Variants in ITSN2 observed in about 807,000 individuals in gnomAD.
ITSN2 encodes intersectin-2.
Under a neutral mutation model 243.7 loss-of-function variants are expected in ITSN2, and 156 were observed. The observed-to-expected ratio is 0.64, with a 90% CI of 0.56 to 0.73. The LOEUF (loss-of-function observed/expected upper bound fraction) is 0.73. Among genes scored for constraint, ITSN2 ranks in the 30% least tolerant of loss-of-function variants. ITSN2 has a pLI of 0.00. For missense variants in ITSN2, 1,801 were observed against 1,996.1 expected (o/e 0.90, Z 1.86); for synonymous variants, 703 against 699.9 (o/e 1.00, Z -0.07).
chr2:24,284,888 ATTTTTTTT>A (rs138100580), intron 16 of ITSN2, 45 bp from the exon 17 acceptor site: 330 of 370,342 alleles, frequency 8.9e-4, no homozygotes, highest in Non-Finnish European at 1.0e-3. Context: ...TACGTACAGA[ATTTTTTTT>A]TTTTTTTTTT....
At chr2:24,286,727 C>G (rs895301121) in intron 15 of ITSN2, among the ~76,000 whole-genome samples, 1 of 152,138 alleles carries the variant, frequency 6.6e-6, no homozygotes, top group African/African-American at 2.4e-5. Flanking sequence ...ACAGTTAATA[C>G]TCAATTAATA....
intron 23 of ITSN2, 113 bp downstream of exon 23, chr2:24,257,775 T>C (rs1052714383): frequency 5.7e-6 from 5 of 881,026 alleles, no homozygotes; most frequent in Admixed American, 4.3e-5. Flanking sequence ...CTTTCTGATA[T>C]TCAAACTCAA....
intron 15 of ITSN2, among the ~76,000 whole-genome samples, chr2:24,287,018 G>A (rs1413352282): frequency 6.6e-6 from 1 of 151,994 alleles, no homozygotes; most frequent in African/African-American, 2.4e-5. Context: ...TATTTTTGAA[G>A]TACAGAAGTA....
chr2:24,316,286 T>G (rs572566486), intron 2 of ITSN2, among the ~76,000 whole-genome samples: 1 of 152,264 alleles, frequency 6.6e-6, no homozygotes, highest in African/African-American at 2.4e-5. Context: ...ATTATTTATT[T>G]ATTTATTTAT....
chr2:24,337,285 G>C (rs1686492266), intron 1 of ITSN2, among the ~76,000 whole-genome samples: 1 of 114,352 alleles, frequency 8.7e-6, no homozygotes, highest in South Asian at 2.7e-4. Context: ...ATGTATGTAT[G>C]TGTGTGTGTG....
At chr2:24,216,438 GA>G (rs1191291622) in intron 31 of ITSN2, 76 of 420,560 alleles carry the variant, frequency 1.8e-4, no homozygotes, top group South Asian at 5.3e-4. Flanking sequence ...TGTCAGCAAA[GA>G]AAAAAAAAGT....
intron 39 of ITSN2, 64 bp from the exon 40 acceptor site, chr2:24,203,847 TCC>T (rs1265664580): frequency 3.3e-6 from 5 of 1,503,902 alleles, no homozygotes; most frequent in Non-Finnish European, 3.6e-6. Context: ...AAGAGCTACA[TCC>T]GGAAGAAGTG....
chr2:24,311,114 C>T (rs1027969106), intron 5 of ITSN2, among the ~76,000 whole-genome samples: 1 of 152,054 alleles, frequency 6.6e-6, no homozygotes, highest in Admixed American at 6.6e-5. Flanking sequence ...CTCTCACATA[C>T]TCCCCCCAAA....
chr2:24,248,659 ATT>A lies in ITSN2; in HGVS notation c.3256_3257del (p.Asn1086TyrfsTer27). 1 of 1,610,494 alleles carries A rather than the reference ATT, an allele frequency of 6.2e-7. No homozygotes were observed. The highest frequency in any genetic ancestry group is 1.1e-5 in the South Asian group (1 of 90,564). ...PGQLILILKK[N>X]TSGWWQGELQ... is the part of the protein sequence containing the mutation. ...ACTCTCCTTGCCACCACCCACTTGT[ATT>A]TTTCTTTAGAATTAATATTAACTGT... On this transcript the variant is annotated frameshift_variant, in exon 27 of 40. Transcript: ENST00000355123. LOFTEE classifies it high-confidence loss of function.
At chr2:24,250,548 A>G (rs1673958568) in intron 25 of ITSN2, among the ~76,000 whole-genome samples, 3 of 152,220 alleles carry the variant, frequency 2.0e-5, no homozygotes, top group Non-Finnish European at 4.4e-5. Context: ...CAGTGATTCA[A>G]TATTTTCCAA....
Position 24,212,740 on chromosome 2 carries a change from T to G in ITSN2, c.3999A>C (p.Ala1333=). 3 of 1,614,030 alleles carry G rather than the reference T, an allele frequency of 1.9e-6. No individual in the cohort carries two copies. ...GCATTCCTTTACACCGCGGGTCAGA[T>G]GCCAGCTTCTGCAAAACAACAGTGA... The part of the protein sequence containing the change: ...TDFKEFLKKL[A]SDPRCKGMPL... Residue 1333 remains alanine, a synonymous_variant, in exon 33 of 40, where the codon GCA becomes GCC. Transcript: ENST00000355123.
At chr2:24,220,906 GC>G in intron 30 of ITSN2, 38 bp downstream of exon 30, 5 of 1,564,864 alleles carry the variant, frequency 3.2e-6, no homozygotes, top group Non-Finnish European at 4.3e-6. Context: ...ATGAGAGACA[GC>G]AGATACCCCG....
intron 2 of ITSN2, among the ~76,000 whole-genome samples, chr2:24,320,013 G>A (rs1684368137): frequency 6.6e-6 from 1 of 152,210 alleles, no homozygotes. Flanking sequence ...CTAAGATAAA[G>A]TGTGTGCAAT....
chr2:24,333,870 CTTAA>C (rs1686051332), intron 1 of ITSN2, among the ~76,000 whole-genome samples: 1 of 152,040 alleles, frequency 6.6e-6, no homozygotes, highest in African/African-American at 2.4e-5. Context: ...TGAAAAGTCG[CTTAA>C]TTAAGGTTTA....
intron 30 of ITSN2, chr2:24,220,493 A>G (rs549304212): frequency 2.0e-6 from 2 of 996,938 alleles, no homozygotes; most frequent in African/African-American, 1.7e-5. Context: ...AAACTGATAC[A>G]ACCATGAGGT....
intron 1 of ITSN2, among the ~76,000 whole-genome samples, chr2:24,348,190 ATTTTTTTTTTTT>A (rs67272042): frequency 3.1e-5 from 3 of 97,776 alleles, no homozygotes; most frequent in South Asian, 3.6e-4. Flanking sequence ...AAATACTATG[ATTTTTTTTTTTT>A]TTTTTTTTTT....
Position 24,303,873 on chromosome 2 carries a change from G to T in ITSN2, c.794-11C>A. 1 of 1,577,772 alleles carries T rather than the reference G, an allele frequency of 6.3e-7. No individual in the cohort carries two copies. Among genetic ancestry groups the T allele is most frequent in the Non-Finnish European group, 8.7e-7 (1 of 1,146,964 alleles). Reference sequence around the variant, plus strand: ...TTCTAGCTTGAAAACCTGATTAAGTGGGGAAAATCATAAAGGAATTCTTTA... The same window carrying T: ...TTCTAGCTTGAAAACCTGATTAAGTTGGGAAAATCATAAAGGAATTCTTTA... On this transcript the variant is annotated splice_polypyrimidine_tract_variant and intron_variant, in intron 8 of 39. Coordinates refer to ENST00000355123, the MANE Select transcript of ITSN2 (RefSeq NM_006277.3).
intron 29 of ITSN2, among the ~76,000 whole-genome samples, chr2:24,230,797 A>C (rs559926796): frequency 1.3e-5 from 2 of 152,208 alleles, no homozygotes; most frequent in African/African-American, 4.8e-5. Context: ...TAAAAATAAT[A>C]AAAACCCTCC....
chr2:24,269,148 A>G (rs1677048472), intron 20 of ITSN2, among the ~76,000 whole-genome samples: 1 of 150,508 alleles, frequency 6.6e-6, no homozygotes, highest in Admixed American at 6.6e-5. Context: ...CAGGAACTGC[A>G]TCCTCAATCC....
Sources: allele counts gnomAD v4.1 joint callset (sites outside exome capture counted in the v4.1 genomes callset), GRCh38; gene constraint gnomAD v4.1.1; transcripts MANE v1.5; gene names NCBI Gene and HGNC (gene_info 2026-07-23, HGNC 2026-07-21).